TNFAIP8: variants seen among roughly 807,000 people sequenced by gnomAD.
TNFAIP8 encodes the protein TNF alpha induced protein 8.
TNFAIP8 carries 7 observed loss-of-function variants against 13.3 expected under a neutral mutation model. The observed-to-expected ratio is 0.52, with a 90% CI of 0.30 to 0.99. The LOEUF (loss-of-function observed/expected upper bound fraction) is 0.99, where lower values mean the gene tolerates loss of function less well. TNFAIP8 is among the 50% of genes least tolerant of loss of function. TNFAIP8 has a pLI of 0.07. For synonymous variants in TNFAIP8, 94 were observed against 87.6 expected (o/e 1.07, Z -0.41); for missense variants, 258 against 236.9 (o/e 1.09, Z -0.58).
intron 1 of TNFAIP8, among the ~76,000 whole-genome samples, chr5:119,298,016 C>G (rs1466912489): frequency 2.6e-5 from 4 of 152,292 alleles, no homozygotes; most frequent in East Asian, 3.9e-4. Flanking sequence ...ACATGAGATG[C>G]ATTTCCTGAA....
At chr5:119,356,231 C>A in intron 1 of TNFAIP8, 110 bp downstream of exon 1, 1 of 1,023,834 alleles carries the variant, frequency 9.8e-7, no homozygotes, top group Non-Finnish European at 1.4e-6. Context: ...GCACTTTGTC[C>A]GCTTGCCCTG....
In TNFAIP8 at chr5:119,279,032, G is replaced by C. The variant is rs190563529; in HGVS notation, c.1+10125G>C. ...TTTTCCAGAAATGTTTACCATCCCA[G>C]TAATCATGGCAAACACTTGTTGAGT... On this transcript the variant is annotated intron_variant, in intron 1 of 1. Coordinates refer to the TNFAIP8 transcript ENST00000274456. 3.5e-4 allele frequency among the ~76,000 whole-genome samples: 53 copies of C among 152,298 alleles called. No homozygotes were observed. In the Middle Eastern group the frequency reaches 0.014, roughly 39 times the overall value.
rs1019008126 is a variant in TNFAIP8, at chr5:119,394,884, G to C, written c.*1503G>C. 2.0e-5 allele frequency: 3 copies of C among 152,050 alleles called. No homozygotes were observed. Among genetic ancestry groups the C allele is most frequent in the Non-Finnish European group, 4.4e-5 (3 of 68,024 alleles). The allele number at this position is 152,050 out of a possible 1,614,324, so 9.4% of individuals were successfully genotyped here. A position where few individuals can be genotyped will look rare whatever the true frequency, so the allele number is the denominator to read the frequency against. On this transcript the variant is annotated 3_prime_UTR_variant, in exon 2 of 2. Transcript: ENST00000504771. ...GGCCTCCGAAAGTGTTGGGATTACA[G>C]GTGTGAGCCACTGTGCCTATGATTT...
rs73790828 is a variant in TNFAIP8 at position 119,357,479 on chromosome 5, G to A, written c.31+1358G>A. Among the ~76,000 whole-genome samples, 245 of 152,288 alleles carry A rather than the reference G, an allele frequency of 1.6e-3. 1 individual carries two copies. The highest frequency in any genetic ancestry group is 5.3e-3 in the African/African-American group (221 of 41,564). The stretch of plus-strand genomic sequence containing the variant: ...GGGTGAACTTCTGTGTGAATTACAA[G>A]TAGCACTTAAGCTGGCGTTTTCTCT... On this transcript the variant is annotated intron_variant, in intron 1 of 1. Transcript: ENST00000504771.
chr5:119,379,754 G>A (rs112760861), intron 1 of TNFAIP8, among the ~76,000 whole-genome samples: 2,026 of 151,934 alleles, frequency 0.013, 48 homozygotes, highest in African/African-American at 0.046. Context: ...CAACACCTGG[G>A]TAATTTTTTT....
intron 1 of TNFAIP8, chr5:119,333,346 A>C (rs1038286004): frequency 1.6e-6 from 2 of 1,289,660 alleles, no homozygotes; most frequent in Non-Finnish European, 2.0e-6. Flanking sequence ...CAAGTGACGA[A>C]ACCTAGCTCC....
Position 119,393,435 on chromosome 5 carries a change from C to A in TNFAIP8, c.*54C>A. The A allele has an allele frequency of 6.8e-7, 1 of 1,466,786 alleles. No homozygotes were observed. The highest frequency in any genetic ancestry group is 9.3e-7 in the Non-Finnish European group (1 of 1,080,802). The allele number at this position is 1,466,786 out of a possible 1,614,324, so 90.9% of individuals were successfully genotyped here. A position where few individuals can be genotyped will look rare whatever the true frequency, so the allele number is the denominator to read the frequency against. On this transcript the variant is annotated 3_prime_UTR_variant, in exon 2 of 2. Coordinates refer to ENST00000504771, the MANE Select transcript of TNFAIP8 (RefSeq NM_014350.4). The stretch of plus-strand genomic sequence containing the variant: ...TGATTTATTTGAAGATGGAGCACTG[C>A]TGATTTATGAAGGAAAAAAGAAGAA...
chr5:119,306,804 G>A (rs2112662816), intron 1 of TNFAIP8, among the ~76,000 whole-genome samples: 1 of 152,236 alleles, frequency 6.6e-6, no homozygotes, highest in South Asian at 2.1e-4. Flanking sequence ...GAAGTAATAT[G>A]TATTCAAGGA....
At chr5:119,293,438 A>C (rs989575820) in intron 1 of TNFAIP8, among the ~76,000 whole-genome samples, 1 of 152,126 alleles carries the variant, frequency 6.6e-6, no homozygotes, top group Non-Finnish European at 1.5e-5. Context: ...GAGTGAGATC[A>C]TGTGGTGTTT....
rs1753060467 is a variant in TNFAIP8, at chr5:119,395,853, A to T, written c.*2472A>T. The T allele has an allele frequency of 6.6e-6, 1 of 152,202 alleles. No homozygotes were observed. The highest frequency in any genetic ancestry group is 2.4e-5 in the African/African-American group (1 of 41,442). The allele number at this position is 152,202 out of a possible 1,614,324, so 9.4% of individuals were successfully genotyped here. On this transcript the variant is annotated 3_prime_UTR_variant, in exon 2 of 2. Coordinates refer to ENST00000504771, the MANE Select transcript of TNFAIP8 (RefSeq NM_014350.4). Reference sequence around the variant, plus strand: ...TTAATACTAATTTGGGGATCCTATGAACCTTTTTATAAAATAGTATCTGTT... The same window carrying T: ...TTAATACTAATTTGGGGATCCTATGTACCTTTTTATAAAATAGTATCTGTT...
chr5:119,277,387 A>G (rs1282996272), intron 1 of TNFAIP8, among the ~76,000 whole-genome samples: 1 of 152,200 alleles, frequency 6.6e-6, no homozygotes, highest in Non-Finnish European at 1.5e-5. Flanking sequence ...TGTAGACACA[A>G]GTTTCCATCA....
At chr5:119,355,240 G>T, upstream of TNFAIP8, 1 of 689,298 alleles carries the variant, frequency 1.5e-6, no homozygotes, top group Non-Finnish European at 2.6e-6. Flanking sequence ...CCCAGTTTTT[G>T]CTGGTAGCCG....
chr5:119,309,853 C>G (rs1749677464), intron 1 of TNFAIP8, among the ~76,000 whole-genome samples: 1 of 152,236 alleles, frequency 6.6e-6, no homozygotes, highest in South Asian at 2.1e-4. Flanking sequence ...GGACCATTAC[C>G]TGAATTTCAG....
chr5:119,369,541 G>A (rs1360171443), intron 1 of TNFAIP8, among the ~76,000 whole-genome samples: 1 of 152,222 alleles, frequency 6.6e-6, no homozygotes, highest in Non-Finnish European at 1.5e-5. Context: ...ATATGATTCA[G>A]AGTGTAAAAT....
At chr5:119,284,810 T>A (rs1023261707) in intron 1 of TNFAIP8, among the ~76,000 whole-genome samples, 6 of 152,164 alleles carry the variant, frequency 3.9e-5, no homozygotes, top group African/African-American at 1.4e-4. Context: ...TGATAACAAG[T>A]CAGCAGTGTT....
chr5:119,321,984 A>G (rs942276577), intron 1 of TNFAIP8, among the ~76,000 whole-genome samples: 3 of 152,086 alleles, frequency 2.0e-5, no homozygotes, highest in Non-Finnish European at 2.9e-5. Context: ...CTGTTCCTCA[A>G]ACTTCCCAAG....
upstream of TNFAIP8, chr5:119,355,043 G>T (rs889744500): frequency 2.4e-4 from 93 of 393,332 alleles, 1 homozygote; most frequent in East Asian, 5.2e-5. Context: ...TCTTGTCCCC[G>T]CTTTGCAGAA....
At chr5:119,310,847 TCAATA>T (rs578060880) in intron 1 of TNFAIP8, among the ~76,000 whole-genome samples, 135 of 152,122 alleles carry the variant, frequency 8.9e-4, no homozygotes, top group African/African-American at 3.1e-3. Flanking sequence ...AATCAATCAA[TCAATA>T]CATTTCTCTG....
At chr5:119,358,807 C>A (rs941271385) in intron 1 of TNFAIP8, among the ~76,000 whole-genome samples, 1 of 152,126 alleles carries the variant, frequency 6.6e-6, no homozygotes, top group African/African-American at 2.4e-5. Flanking sequence ...GCATCCAGGG[C>A]TCCTTTGCTC....
Sources: allele counts gnomAD v4.1 joint callset (sites outside exome capture counted in the v4.1 genomes callset), GRCh38; gene constraint gnomAD v4.1.1; transcripts MANE v1.5; gene names NCBI Gene and HGNC (gene_info 2026-07-23, HGNC 2026-07-21).